The following ZKSCAN5 variants were observed in gnomAD, a reference collection of about 807,000 sequenced individuals.
ZKSCAN5 encodes the protein zinc finger with KRAB and SCAN domains 5, also known as zinc finger protein with KRAB and SCAN domains 5.
Under a neutral mutation model 60.0 loss-of-function variants are expected in ZKSCAN5, and 28 were observed. The observed-to-expected ratio is 0.47, with a 90% CI of 0.35 to 0.64. The LOEUF (loss-of-function observed/expected upper bound fraction) is 0.64, where lower values mean the gene tolerates loss of function less well. Ranked by LOEUF, ZKSCAN5 falls within the 30% of genes least tolerant of loss-of-function variation. ZKSCAN5 has a pLI of 0.01. For synonymous variants in ZKSCAN5, 361 were observed against 371.2 expected (o/e 0.97, Z 0.31); for missense variants, 881 against 1,034.6 (o/e 0.85, Z 2.04).
At chr7:99,520,530 G>A (rs1395520573) in intron 5 of ZKSCAN5, among the ~76,000 whole-genome samples, 1 of 151,802 alleles carries the variant, frequency 6.6e-6, no homozygotes, top group Non-Finnish European at 1.5e-5. Flanking sequence ...ATAGTACTTG[G>A]GGGGACTGTT....
In ZKSCAN5 at chr7:99,526,080, G is replaced by A. The variant is rs1397236125; in HGVS notation, c.1040G>A (p.Arg347Lys). Residue 347 changes from arginine to lysine, a missense_variant, in exon 6 of 7, where the codon AGA becomes AAA. This residue lies in a region of ZKSCAN5 where 490 missense variants were observed against 554.5 expected (regional missense o/e 0.88). Coordinates refer to ENST00000326775, the MANE Select transcript of ZKSCAN5 (RefSeq NM_145102.4). Reference sequence around the variant, plus strand: ...AGCACACATGGCGAGAGAGGGCACAGATGCAGCGATTGTGGCAAATTCTTC... The same window carrying A: ...AGCACACATGGCGAGAGAGGGCACAAATGCAGCGATTGTGGCAAATTCTTC... ...KQSTHGERGH[R>K]CSDCGKFFLQ... The A allele has an allele frequency of 6.2e-7, 1 of 1,614,208 alleles. No individual in the cohort carries two copies. Among genetic ancestry groups the A allele is most frequent in the Non-Finnish European group, 8.5e-7 (1 of 1,180,040 alleles).
In ZKSCAN5 at chr7:99,534,617, GCAGTGAGCTGAGATCACGCCACTGCA is replaced by G. The variant is rs1291644827; in HGVS notation, c.*2370_*2395del. The stretch of plus-strand genomic sequence containing the variant: ...CGCTTGAACCCGGGAGGCAGAGGTT[GCAGTGAGCTGAGATCACGCCACTGCA>G]CTCTAGCCCAGTTGACAGAGCGACA... On this transcript the variant is annotated 3_prime_UTR_variant, in exon 7 of 7. Transcript: ENST00000326775. 7.0e-6 allele frequency: 1 copy of G among 143,316 alleles called. No homozygotes were observed. The highest frequency in any genetic ancestry group is 1.5e-5 in the Non-Finnish European group (1 of 66,834). The allele number at this position is 143,316 out of a possible 1,614,324, so 8.9% of individuals were successfully genotyped here. A position where few individuals can be genotyped will look rare whatever the true frequency, so the allele number is the denominator to read the frequency against.
chr7:99,512,815 T>A (rs1801099689), intron 3 of ZKSCAN5, among the ~76,000 whole-genome samples: 1 of 151,286 alleles, frequency 6.6e-6, no homozygotes, highest in African/African-American at 2.4e-5. Context: ...TTTTTTTTCT[T>A]TTATTTATTT....
intron 5 of ZKSCAN5, among the ~76,000 whole-genome samples, chr7:99,520,907 C>T (rs1222989965): frequency 6.6e-6 from 1 of 152,054 alleles, no homozygotes; most frequent in African/African-American, 2.4e-5. Context: ...GACTTCATTA[C>T]CATTCTTAAG....
intron 4 of ZKSCAN5, 33 bp from the exon 5 acceptor site, chr7:99,520,136 G>A: frequency 1.2e-6 from 2 of 1,609,482 alleles, no homozygotes; most frequent in Non-Finnish European, 1.7e-6. Flanking sequence ...TGGACATAGG[G>A]AATGAGAATT....
At position 99,526,183 on chromosome 7, in the gene ZKSCAN5, GA is replaced by G. The variant is rs1801779335; in HGVS notation, c.1144del (p.Ser382AlafsTer32). On this transcript the variant is annotated frameshift_variant, in exon 6 of 7. Transcript: ENST00000326775. LOFTEE classifies it high-confidence loss of function. ...KPFKCGECGK[S>X]YNQRVHLTQH... ...CGTTTAAGTGCGGAGAATGTGGGAA[GA>G]GCTACAATCAGCGGGTGCACCTCAC... 6.2e-7 allele frequency: 1 copy of G among 1,614,220 alleles called. No homozygotes were observed. Among genetic ancestry groups the G allele is most frequent in the Non-Finnish European group, 8.5e-7 (1 of 1,180,036 alleles).
Position 99,519,827 on chromosome 7 carries a change from C to G in ZKSCAN5, c.554C>G (p.Ala185Gly), listed in dbSNP as rs764248058. The G allele has an allele frequency of 6.2e-7, 1 of 1,613,774 alleles. No individual in the cohort carries two copies. The highest frequency in any genetic ancestry group is 1.7e-5 in the Admixed American group (1 of 60,012). ...PQKPRLLEEN[A>G]LPVLQVPSLP... Reference sequence around the variant, plus strand: ...TAAACCTCTTTTTCTCCTCCCTTAGCCCTTCCTGTTCTCCAAGTTCCTTCC... The same window carrying G: ...TAAACCTCTTTTTCTCCTCCCTTAGGCCTTCCTGTTCTCCAAGTTCCTTCC... Residue 185 changes from alanine (A) to glycine (G), a missense_variant and splice_region_variant, in exon 4 of 7, where the codon GCC (alanine) becomes GGC (glycine). Physicochemically the swap from Ala to Gly is moderately conservative, Grantham distance 60 (BLOSUM62 0). Transcript: ENST00000326775.
Position 99,525,811 on chromosome 7 carries a change from A to G in ZKSCAN5, c.773-2A>G, listed in dbSNP as rs1801752938. The G allele has an allele frequency of 6.3e-7, 1 of 1,583,704 alleles. No individual in the cohort carries two copies. Among genetic ancestry groups the G allele is most frequent in the Non-Finnish European group, 8.6e-7 (1 of 1,162,322 alleles). ...TTTTTAATTCTCCCTCTGTTATTTC[A>G]GGTTATGAGTCCAGGGACAATATGG... On this transcript the variant is annotated splice_acceptor_variant, in intron 5 of 6. Coordinates refer to ENST00000326775, the MANE Select transcript of ZKSCAN5 (RefSeq NM_145102.4). LOFTEE classifies it high-confidence loss of function.
chr7:99,507,161 G>A lies in ZKSCAN5; in HGVS notation c.414+703G>A, dbSNP rs547440363. 7.9e-5 allele frequency among the ~76,000 whole-genome samples: 12 copies of A among 152,096 alleles called. No homozygotes were observed. In the South Asian group the frequency reaches 1.7e-3, roughly 21 times the overall value. ...ATTCTGTATGTATAAGCATATATAC[G>A]TCTCATACTTTGGAAAAACGCAAAT... On this transcript the variant is annotated intron_variant, in intron 2 of 6. Transcript: ENST00000326775.
chr7:99,521,944 C>T (rs1801557618), intron 5 of ZKSCAN5, among the ~76,000 whole-genome samples: 1 of 152,004 alleles, frequency 6.6e-6, no homozygotes, highest in African/African-American at 2.4e-5. Flanking sequence ...CTTGCTTTAT[C>T]TTTTTCAGTT....
intron 6 of ZKSCAN5, among the ~76,000 whole-genome samples, chr7:99,530,804 C>A (rs1273571923): frequency 6.6e-6 from 1 of 152,104 alleles, no homozygotes; most frequent in Non-Finnish European, 1.5e-5. Flanking sequence ...AACCTGTAAT[C>A]CCAGCACTTT....
rs150575196 is a variant in ZKSCAN5, at chr7:99,526,049, A to G, written c.1009A>G (p.Lys337Glu). The change falls in exon 6 of 7, where the codon AAG becomes GAG. Residue 337 changes from lysine (K) to glutamate (E), a missense_variant. Lys to Glu is a moderately conservative substitution (Grantham distance 56, BLOSUM62 1). This residue lies in a region of ZKSCAN5 where 490 missense variants were observed against 554.5 expected (regional missense o/e 0.88). Transcript: ENST00000326775. Reference sequence around the variant, plus strand: ...GGATGCAATCACAGACATCAGCCCTAAGCAAAGCACACATGGCGAGAGAGG... The same window carrying G: ...GGATGCAATCACAGACATCAGCCCTGAGCAAAGCACACATGGCGAGAGAGG... The part of the protein sequence containing the change: ...DLDAITDISP[K>E]QSTHGERGHR... 1.9e-6 allele frequency: 3 copies of G among 1,614,116 alleles called. No homozygotes were observed. Among genetic ancestry groups the G allele is most frequent in the Non-Finnish European group, 2.5e-6 (3 of 1,180,060 alleles).
Position 99,526,123 on chromosome 7 carries a change from T to C in ZKSCAN5, c.1083T>C (p.Phe361=). Residue 361 remains phenylalanine (F), a synonymous_variant, in exon 6 of 7, where the codon TTT becomes TTC. Transcript: ENST00000326775. ...CGKFFLQASN[F]IQHRRIHTGE... ...AATTCTTCCTCCAAGCCTCAAACTT[T>C]ATTCAGCATCGGCGCATCCACACTG... 6.2e-7 allele frequency: 1 copy of C among 1,614,174 alleles called. No homozygotes were observed. Among genetic ancestry groups the C allele is most frequent in the Non-Finnish European group, 8.5e-7 (1 of 1,180,032 alleles).
At chr7:99,525,198 G>A (rs188450949) in intron 5 of ZKSCAN5, among the ~76,000 whole-genome samples, 9 of 150,518 alleles carry the variant, frequency 6.0e-5, no homozygotes, top group Admixed American at 1.3e-4. Flanking sequence ...TTGCCCAGTC[G>A]CGTTGGCTCA....
intron 3 of ZKSCAN5, among the ~76,000 whole-genome samples, chr7:99,518,001 A>G (rs996019726): frequency 1.3e-5 from 2 of 152,088 alleles, no homozygotes; most frequent in African/African-American, 4.8e-5. Context: ...AGAGAGAGAG[A>G]ATAGATTTAA....
chr7:99,530,909 T>A (rs994896190), intron 6 of ZKSCAN5, among the ~76,000 whole-genome samples, 199 bp from the exon 7 acceptor site: 1 of 152,050 alleles, frequency 6.6e-6, no homozygotes, highest in East Asian at 1.9e-4. Flanking sequence ...ATACAAAAAT[T>A]AGCTGGGTGT....
intron 5 of ZKSCAN5, among the ~76,000 whole-genome samples, chr7:99,524,991 C>G (rs1316878373): frequency 6.6e-6 from 1 of 151,074 alleles, no homozygotes; most frequent in Non-Finnish European, 1.5e-5. Flanking sequence ...TATGGTGACA[C>G]CCTGTCTCTG....
intron 2 of ZKSCAN5, among the ~76,000 whole-genome samples, chr7:99,511,690 G>A (rs1008934597): frequency 5.3e-5 from 8 of 152,208 alleles, no homozygotes; most frequent in Admixed American, 2.0e-4. Context: ...CGATCCTCCT[G>A]CTTCAGCCTC....
At chr7:99,525,792 A>T (rs1349734312) in intron 5 of ZKSCAN5, 21 bp from the exon 6 acceptor site, 3 of 1,568,938 alleles carry the variant, frequency 1.9e-6, no homozygotes, top group Admixed American at 3.9e-5. Flanking sequence ...TCATTTTTTA[A>T]TTCTCCCTCT....
Sources: allele counts gnomAD v4.1 joint callset (sites outside exome capture counted in the v4.1 genomes callset), GRCh38; gene constraint gnomAD v4.1.1; regional missense constraint gnomAD v4.1.1; transcripts MANE v1.5; gene names NCBI Gene and HGNC (gene_info 2026-07-23, HGNC 2026-07-21).